Variants in SLC66A1 observed in about 807,000 individuals in gnomAD.
The protein encoded by SLC66A1 is solute carrier family 66 member 1.
Under a neutral mutation model 33.0 loss-of-function variants are expected in SLC66A1, and 23 were observed. The ratio of observed to expected loss-of-function variants is 0.70; its 90% CI spans 0.50 to 0.99. The LOEUF (loss-of-function observed/expected upper bound fraction) is 0.99, where lower values mean the gene tolerates loss of function less well. SLC66A1 is among the 50% of genes least tolerant of loss of function. SLC66A1 has a pLI of 0.00. For missense variants in SLC66A1, 335 were observed against 383.6 expected (o/e 0.87, Z 1.06); for synonymous variants, 164 against 175.5 (o/e 0.93, Z 0.52).
chr1:19,321,699 T>C (rs765300734), intron 2 of SLC66A1, among the ~76,000 whole-genome samples: 4 of 149,714 alleles, frequency 2.7e-5, no homozygotes, highest in Non-Finnish European at 5.9e-5. Flanking sequence ...CCTGAGTAGC[T>C]GGGATTACAA....
At chr1:19,319,949 TGCG>T (rs1179090877) in intron 2 of SLC66A1, among the ~76,000 whole-genome samples, 1 of 148,440 alleles carries the variant, frequency 6.7e-6, no homozygotes, top group African/African-American at 2.5e-5. Context: ...CAGGCTGGAG[TGCG>T]GTGGTGCAAT....
In SLC66A1 at chr1:19,326,354, G is replaced by A. The variant is rs1569796017; in HGVS notation, c.492G>A (p.Gly164=). 1.2e-6 allele frequency: 2 copies of A among 1,606,570 alleles called. No homozygotes were observed. The highest frequency in any genetic ancestry group is 1.7e-6 in the Non-Finnish European group (2 of 1,179,370). The change falls in exon 5 of 8, where the codon GGG becomes GGA. Residue 164 remains glycine, a synonymous_variant. Coordinates refer to ENST00000375153, the MANE Select transcript of SLC66A1 (RefSeq NM_001040125.2). The part of the protein sequence containing the change: ...PVAAPREAFR[G]RALLSVESGS... The stretch of plus-strand genomic sequence containing the variant: ...CTGCCCCTAGGGAAGCCTTCCGGGG[G>A]CGGGCGCTCCTGTCCGTGGAGTCGG...
At chr1:19,322,059 T>C (rs1045628207) in intron 2 of SLC66A1, among the ~76,000 whole-genome samples, 3 of 152,162 alleles carry the variant, frequency 2.0e-5, no homozygotes, top group Non-Finnish European at 2.9e-5. Context: ...CTTGAAAAGA[T>C]AATCTGGGAG....
chr1:19,324,566 C>G, intron 2 of SLC66A1, 67 bp from the exon 3 acceptor site: 1 of 1,590,074 alleles, frequency 6.3e-7, no homozygotes, highest in Non-Finnish European at 8.6e-7. Flanking sequence ...TGGGCGGTGT[C>G]CCCTATAAGG....
downstream of SLC66A1, among the ~76,000 whole-genome samples, chr1:19,331,664 C>A (rs912965126): frequency 7.2e-5 from 11 of 152,206 alleles, no homozygotes; most frequent in African/African-American, 2.7e-4. Context: ...GCCTCAGGTG[C>A]CAGCTAGATG....
At chr1:19,325,695 C>T in intron 4 of SLC66A1, 113 bp downstream of exon 4, 2 of 919,454 alleles carry the variant, frequency 2.2e-6, no homozygotes, top group Non-Finnish European at 1.6e-6. Flanking sequence ...GGGTGATAAC[C>T]CAAACCTCGG....
chr1:19,320,334 C>T (rs181271503), intron 2 of SLC66A1, among the ~76,000 whole-genome samples: 113 of 151,642 alleles, frequency 7.5e-4, no homozygotes, highest in African/African-American at 2.5e-3. Flanking sequence ...TTCAAAGCAG[C>T]TGCATCATTT....
chr1:19,326,248 C>T lies in SLC66A1; in HGVS notation c.386C>T (p.Ser129Phe), dbSNP rs1303335526. The part of the protein sequence containing the change: ...YKFRTRPSLL[S>F]APINSVLLFL... ...CTTCCCCCTGCCTTGTGTGCAGTGT[C>T]TGCCCCCATCAACTCCGTGCTGTTG... is the stretch of plus-strand genomic sequence containing the variant. Residue 129 changes from serine to phenylalanine, a missense_variant, in exon 5 of 8, where the codon TCT becomes TTT. Ser to Phe is a radical substitution (Grantham distance 155). Coordinates refer to ENST00000375153, the MANE Select transcript of SLC66A1 (RefSeq NM_001040125.2). The T allele has an allele frequency of 1.2e-6, 2 of 1,602,920 alleles. No homozygotes were observed. Among genetic ancestry groups the T allele is most frequent in the Non-Finnish European group, 1.7e-6 (2 of 1,178,926 alleles).
intron 2 of SLC66A1, among the ~76,000 whole-genome samples, chr1:19,319,759 G>A (rs1197535176): frequency 6.6e-6 from 1 of 151,096 alleles, no homozygotes; most frequent in African/African-American, 2.4e-5. Flanking sequence ...AAAAATTAGC[G>A]GGGTGTGGTG....
intron 2 of SLC66A1, among the ~76,000 whole-genome samples, chr1:19,321,787 G>A (rs1194448451): frequency 7.0e-6 from 1 of 143,654 alleles, no homozygotes; most frequent in Admixed American, 6.7e-5. Flanking sequence ...GGCTGGTCTC[G>A]AACTCGTGAC....
intron 7 of SLC66A1, chr1:19,327,647 C>A: frequency 1.4e-6 from 1 of 705,708 alleles, no homozygotes; most frequent in Non-Finnish European, 2.6e-6. Context: ...CATGAGTGCC[C>A]CAGAAGCTTA....
At chr1:19,320,631 G>A (rs1033299329) in intron 2 of SLC66A1, among the ~76,000 whole-genome samples, 12 of 151,696 alleles carry the variant, frequency 7.9e-5, no homozygotes, top group Admixed American at 3.3e-4. Flanking sequence ...TAGCCAGGAT[G>A]GTCTCGATTT....
At chr1:19,325,827 C>G (rs1486436369) in intron 4 of SLC66A1, among the ~76,000 whole-genome samples, 1 of 152,212 alleles carries the variant, frequency 6.6e-6, no homozygotes, top group Non-Finnish European at 1.5e-5. Flanking sequence ...GGGGCTCATT[C>G]AGCAGACACA....
At chr1:19,332,203 G>A (rs930920234), downstream of SLC66A1, among the ~76,000 whole-genome samples, 20 of 152,162 alleles carry the variant, frequency 1.3e-4, no homozygotes, top group African/African-American at 4.1e-4. Flanking sequence ...GGCAGGTGAC[G>A]GGGAGCACAG....
rs1416203124 is a variant in SLC66A1 at position 19,324,625 on chromosome 1, T to C, written c.165-8T>C. 1.2e-6 allele frequency: 2 copies of C among 1,613,942 alleles called. No individual in the cohort carries two copies. Among genetic ancestry groups the C allele is most frequent in the East Asian group, 2.2e-5 (1 of 44,890 alleles). On this transcript the variant is annotated splice_region_variant and splice_polypyrimidine_tract_variant and intron_variant, in intron 2 of 7. Coordinates refer to ENST00000375153, the MANE Select transcript of SLC66A1 (RefSeq NM_001040125.2). ...GAGCATGCATCCCTTCCTCTTCCTC[T>C]TCCACAGCCAGTTCATCAAAGCCTA...
chr1:19,324,836 C>T (rs41264073), intron 3 of SLC66A1, 74 bp downstream of exon 3: 416,724 of 1,559,960 alleles, frequency 0.27, 59,428 homozygotes, highest in South Asian at 0.32. Flanking sequence ...GAGGAGATGC[C>T]AGGCTCTTTG....
chr1:19,319,208 G>A (rs1378631791), intron 2 of SLC66A1, among the ~76,000 whole-genome samples: 1 of 152,228 alleles, frequency 6.6e-6, no homozygotes, highest in Non-Finnish European at 1.5e-5. Context: ...CCAGAGTTGT[G>A]TAACTGTCAC....
At position 19,319,605 on chromosome 1, in the gene SLC66A1, G is replaced by GTTTTTTTT. The variant is rs569177720; in HGVS notation, c.164+1773_164+1780dup. Among the ~76,000 whole-genome samples, 178 of 111,850 alleles carry GTTTTTTTT rather than the reference G, an allele frequency of 1.6e-3. 11 individuals are homozygous for GTTTTTTTT. Among genetic ancestry groups the GTTTTTTTT allele is most frequent in the African/African-American group, 4.3e-3 (107 of 24,838 alleles). 73.4% of individuals were successfully genotyped at this position (111,850 alleles called of 152,430 possible). On this transcript the variant is annotated intron_variant, in intron 2 of 7. Transcript: ENST00000375153. ...GATTAATGTTGCTGTGCACATTCAT[G>GTTTTTTTT]TTTTTTTTTTTTTTTTGCCTGGTGC...
intron 2 of SLC66A1, among the ~76,000 whole-genome samples, chr1:19,320,221 G>T (rs1328620367): frequency 6.6e-6 from 1 of 151,708 alleles, no homozygotes; most frequent in Non-Finnish European, 1.5e-5. Flanking sequence ...AGTTTTTGTG[G>T]GGAAATATGT....
Sources: gnomAD v4.1 joint callset for allele counts (sites outside exome capture counted in the v4.1 genomes callset) on GRCh38, gnomAD v4.1.1 for gene constraint, MANE v1.5 for transcripts, NCBI Gene and HGNC (gene_info 2026-07-23, HGNC 2026-07-21) for gene names.